The following NDUFA7 variants were observed in gnomAD, a reference collection of about 807,000 sequenced individuals.
NDUFA7 encodes NADH dehydrogenase [ubiquinone] 1 alpha subcomplex subunit 7.
NDUFA7 carries 18 observed loss-of-function variants against 14.2 expected under a neutral mutation model. That is an observed-to-expected ratio of 1.27 (90% CI 0.88 to 1.88). The LOEUF (loss-of-function observed/expected upper bound fraction) is 1.88, where lower values mean the gene tolerates loss of function less well. Among genes scored for constraint, NDUFA7 ranks in the 40% most tolerant of loss-of-function variants. NDUFA7 has a pLI of 0.00. For missense variants in NDUFA7, 172 were observed against 147.3 expected (o/e 1.17, Z -0.87); for synonymous variants, 75 against 62.1 (o/e 1.21, Z -0.98).
intron 1 of NDUFA7, 78 bp downstream of exon 1, chr19:8,321,230 G>A: frequency 7.0e-7 from 1 of 1,425,114 alleles, no homozygotes; most frequent in South Asian, 1.3e-5. Flanking sequence ...GCTTAGGAGG[G>A]AGGTGAGGAG....
chr19:8,308,934 A>G (rs1970140410), downstream of NDUFA7: 2 of 152,212 alleles, frequency 1.3e-5, no homozygotes, highest in Non-Finnish European at 2.9e-5. Context: ...AAATTTAATA[A>G]TAAAGGCCGG....
Position 8,321,330 on chromosome 19 carries a change from C to T in NDUFA7, c.29G>A (p.Arg10Gln), listed in dbSNP as rs1243428778. Residue 10 changes from arginine to glutamine, a missense_variant, in exon 1 of 4, where the codon CGG (arginine) becomes CAG (glutamine). Transcript: ENST00000301457. Reference sequence around the variant, plus strand: ...CACCCCGGACGCCCAGTTCCGCAGCCGCTGGATGAGACGGGTGGCGGACGC... The same window carrying T: ...CACCCCGGACGCCCAGTTCCGCAGCTGCTGGATGAGACGGGTGGCGGACGC... MASATRLIQ[R>Q]LRNWASGHDL... is the part of the protein sequence containing the mutation. 4 of 1,580,376 alleles carry T rather than the reference C, an allele frequency of 2.5e-6. No homozygotes were observed. Among genetic ancestry groups the T allele is most frequent in the African/African-American group, 1.3e-5 (1 of 74,466 alleles).
intron 2 of NDUFA7, among the ~76,000 whole-genome samples, chr19:8,317,195 G>A (rs990373747): frequency 6.6e-6 from 1 of 152,190 alleles, no homozygotes; most frequent in East Asian, 1.9e-4. Context: ...AGCCCAGAGA[G>A]GGGTGAACAG....
intron 3 of NDUFA7, among the ~76,000 whole-genome samples, chr19:8,311,916 C>A (rs1034417344): frequency 1.3e-5 from 2 of 152,208 alleles, no homozygotes; most frequent in Non-Finnish European, 2.9e-5. Context: ...AAGGCCCCCA[C>A]CCCCATTCCT....
In NDUFA7 at chr19:8,316,493, C is replaced by T. The variant is rs368171790; in HGVS notation, c.251+3G>A. 6.2e-7 allele frequency: 1 copy of T among 1,613,566 alleles called. No homozygotes were observed. Among genetic ancestry groups the T allele is most frequent in the African/African-American group, 1.3e-5 (1 of 74,922 alleles). On this transcript the variant is annotated splice_donor_region_variant and intron_variant, in intron 3 of 3. Transcript: ENST00000301457. ...TGTGGTGAGCAGCGCTGGAGATCCT[C>T]ACCTCTCTGCTGGCTTGCCTGACAC... is the stretch of plus-strand genomic sequence containing the variant.
intron 3 of NDUFA7, among the ~76,000 whole-genome samples, chr19:8,315,476 C>A (rs1407149489): frequency 3.9e-5 from 6 of 152,148 alleles, no homozygotes; most frequent in Non-Finnish European, 7.4e-5. Context: ...CTCCTTAAGG[C>A]ATTGAGATGT....
chr19:8,312,471 G>C (rs1373780397), intron 3 of NDUFA7, among the ~76,000 whole-genome samples: 1 of 152,128 alleles, frequency 6.6e-6, no homozygotes, highest in Non-Finnish European at 1.5e-5. Context: ...GTGACAACAA[G>C]GACCACTCCA....
chr19:8,317,952 C>T (rs558159892), intron 2 of NDUFA7, among the ~76,000 whole-genome samples: 4 of 152,038 alleles, frequency 2.6e-5, no homozygotes, highest in Admixed American at 6.6e-5. Context: ...GGATTACAGG[C>T]GTGAGCCACC....
Position 8,316,821 on chromosome 19 carries a change from C to T in NDUFA7, c.102-176G>A, listed in dbSNP as rs147485841. 6.8e-4 allele frequency: 477 copies of T among 700,856 alleles called. 1 individual carries two copies. The African/African-American group carries it at 7.9e-3, about 12-fold the overall frequency. The allele number at this position is 700,856 out of a possible 1,614,324, so 43.4% of individuals were successfully genotyped here. On this transcript the variant is annotated intron_variant, in intron 2 of 3. Transcript: ENST00000301457. The stretch of plus-strand genomic sequence containing the variant: ...AGGGACATATGCCTGGGGAGGGGTC[C>T]TGGGGCCAGAAGCAGATGGTGGACC...
downstream of NDUFA7, among the ~76,000 whole-genome samples, chr19:8,309,144 G>T (rs951689262): frequency 1.3e-5 from 2 of 151,756 alleles, no homozygotes; most frequent in Admixed American, 6.6e-5. Flanking sequence ...ATCACTTGGG[G>T]CTGCACTCCA....
At chr19:8,320,723 T>G in intron 2 of NDUFA7, 134 bp downstream of exon 2, 1 of 1,112,740 alleles carries the variant, frequency 9.0e-7, no homozygotes, top group Non-Finnish European at 1.3e-6. Flanking sequence ...GGCAAACCTC[T>G]GCCTCCACAG....
intron 2 of NDUFA7, among the ~76,000 whole-genome samples, chr19:8,319,796 G>A (rs1040255916): frequency 6.6e-6 from 1 of 151,908 alleles, no homozygotes; most frequent in Non-Finnish European, 1.5e-5. Flanking sequence ...CTCAGGCTCT[G>A]TCCAGCCTGA....
chr19:8,312,009 G>A (rs1970184023), intron 3 of NDUFA7, among the ~76,000 whole-genome samples: 2 of 152,238 alleles, frequency 1.3e-5, no homozygotes, highest in Non-Finnish European at 2.9e-5. Flanking sequence ...CTCAGACTGG[G>A]CAAGAACTGC....
intron 2 of NDUFA7, 34 bp downstream of exon 2, chr19:8,320,823 G>A (rs765794283): frequency 1.9e-6 from 3 of 1,613,340 alleles, no homozygotes; most frequent in South Asian, 2.2e-5. Context: ...AAAGGACAGA[G>A]CCAGAGGCTG....
intron 3 of NDUFA7, among the ~76,000 whole-genome samples, chr19:8,311,886 T>A (rs2145389487): frequency 6.6e-6 from 1 of 152,220 alleles, no homozygotes; most frequent in South Asian, 2.1e-4. Context: ...CCCTTCCCAC[T>A]TTTGGTCTCC....
chr19:8,309,574 C>T (rs1458917035), downstream of NDUFA7, among the ~76,000 whole-genome samples: 1 of 152,086 alleles, frequency 6.6e-6, no homozygotes, highest in Non-Finnish European at 1.5e-5. Flanking sequence ...GCACACCCTG[C>T]CTAGTCTTTC....
At chr19:8,321,178 C>T in intron 1 of NDUFA7, 130 bp downstream of exon 1, 1 of 1,209,356 alleles carries the variant, frequency 8.3e-7, no homozygotes, top group Non-Finnish European at 1.1e-6. Context: ...GGGTGACTAG[C>T]TGGGGGTTCC....
At chr19:8,315,485 G>A (rs1033967384) in intron 3 of NDUFA7, among the ~76,000 whole-genome samples, 2 of 152,210 alleles carry the variant, frequency 1.3e-5, no homozygotes, top group African/African-American at 4.8e-5. Context: ...GCATTGAGAT[G>A]TTTACGTGTA....
intron 3 of NDUFA7, among the ~76,000 whole-genome samples, chr19:8,315,265 G>A (rs8110376): frequency 6.6e-6 from 1 of 151,994 alleles, no homozygotes; most frequent in African/African-American, 2.4e-5. Flanking sequence ...GCCCGACACC[G>A]GTAAAGGGTC....
Sources: allele counts gnomAD v4.1 joint callset (sites outside exome capture counted in the v4.1 genomes callset), GRCh38; gene constraint gnomAD v4.1.1; transcripts MANE v1.5; gene names NCBI Gene and HGNC (gene_info 2026-07-23, HGNC 2026-07-21).